The following XKR4 variants were observed in gnomAD, a reference collection of about 807,000 sequenced individuals.
XKR4 encodes the protein XK related 4.
Under a neutral mutation model 53.9 loss-of-function variants are expected in XKR4, and 12 were observed. That is an observed-to-expected ratio of 0.22 (90% confidence interval 0.14 to 0.36). The LOEUF is 0.36. Ranked by LOEUF, XKR4 falls within the 10% of genes least tolerant of loss-of-function variation. XKR4 has a pLI of 1.00. For missense variants in XKR4, 799 were observed against 859.5 expected (o/e 0.93, Z 0.88); for synonymous variants, 354 against 362.4 (o/e 0.98, Z 0.26).
intron 1 of XKR4, among the ~76,000 whole-genome samples, chr8:55,129,984 A>G (rs370055052): frequency 2.6e-5 from 4 of 152,108 alleles, no homozygotes; most frequent in South Asian, 4.1e-4. Context: ...TTGAATTAGG[A>G]GGCAAGGCTA....
chr8:55,118,851 T>C (rs1045769327), intron 1 of XKR4, among the ~76,000 whole-genome samples: 2 of 152,206 alleles, frequency 1.3e-5, no homozygotes, highest in Non-Finnish European at 2.9e-5. Flanking sequence ...AGGTGATTTC[T>C]AAATATGTTT....
intron 2 of XKR4, among the ~76,000 whole-genome samples, chr8:55,442,577 C>T (rs776247356): frequency 6.6e-6 from 1 of 152,170 alleles, no homozygotes; most frequent in Non-Finnish European, 1.5e-5. Context: ...AAAAACCAAG[C>T]ATCTGTGGAT....
chr8:55,134,950 GA>G (rs1287230693), intron 1 of XKR4, among the ~76,000 whole-genome samples: 5 of 40,784 alleles, frequency 1.2e-4, no homozygotes, highest in Non-Finnish European at 2.1e-4. Context: ...GGAGAAGCTG[GA>G]TTTTTTTTTT....
chr8:55,208,863 G>A (rs1585940238), intron 1 of XKR4, among the ~76,000 whole-genome samples: 1 of 152,186 alleles, frequency 6.6e-6, no homozygotes, highest in African/African-American at 2.4e-5. Context: ...GCATGTGAAT[G>A]GACAAGCTGC....
At chr8:55,499,694 C>T (rs1344299744) in intron 2 of XKR4, among the ~76,000 whole-genome samples, 1 of 152,188 alleles carries the variant, frequency 6.6e-6, no homozygotes, top group East Asian at 1.9e-4. Context: ...ACTACAGCAG[C>T]TTGGCAGAGA....
Position 55,150,756 on chromosome 8 carries a change from C to T in XKR4, c.806+47462C>T, listed in dbSNP as rs112840154. ...TCACAGCCATTTATGTGTTTTTATA[C>T]CCCAGTAAAGTTCAAGCTCCATGGG... On this transcript the variant is annotated intron_variant, in intron 1 of 2. Transcript: ENST00000327381. Among the ~76,000 whole-genome samples, 580 of 152,176 alleles carry T rather than the reference C, an allele frequency of 3.8e-3. 3 individuals are homozygous for T. Among genetic ancestry groups the T allele is most frequent in the African/African-American group, 0.013 (543 of 41,510 alleles).
chr8:55,219,644 C>T (rs767749940), intron 1 of XKR4, among the ~76,000 whole-genome samples: 6 of 152,200 alleles, frequency 3.9e-5, no homozygotes, highest in African/African-American at 7.2e-5. Flanking sequence ...CCAACAACCT[C>T]TCCCCATCCC....
intron 2 of XKR4, among the ~76,000 whole-genome samples, chr8:55,507,925 C>T (rs984403676): frequency 1.6e-4 from 25 of 152,170 alleles, no homozygotes; most frequent in African/African-American, 5.8e-4. Flanking sequence ...AATTGCCATA[C>T]TGACTTCCAC....
intron 1 of XKR4, among the ~76,000 whole-genome samples, chr8:55,356,851 C>T (rs952354084): frequency 6.6e-6 from 1 of 152,172 alleles, no homozygotes; most frequent in African/African-American, 2.4e-5. Flanking sequence ...AAACCAACCC[C>T]TCCTCTTCCT....
intron 2 of XKR4, among the ~76,000 whole-genome samples, chr8:55,365,502 C>T (rs555619708): frequency 1.0e-3 from 156 of 152,134 alleles, no homozygotes; most frequent in African/African-American, 3.6e-3. Flanking sequence ...GTTGGGAGTT[C>T]GAGAACACCC....
intron 1 of XKR4, among the ~76,000 whole-genome samples, chr8:55,287,436 A>G (rs1818923330): frequency 6.6e-6 from 1 of 152,354 alleles, no homozygotes; most frequent in East Asian, 1.9e-4. Context: ...TATGCTGGTG[A>G]GCGTACCCAT....
chr8:55,498,440 A>G (rs1806389358), intron 2 of XKR4, among the ~76,000 whole-genome samples: 1 of 152,130 alleles, frequency 6.6e-6, no homozygotes, highest in Non-Finnish European at 1.5e-5. Flanking sequence ...AGCGCATCCT[A>G]GCAGGAAGGT....
chr8:55,265,585 G>A (rs371246916), intron 1 of XKR4, among the ~76,000 whole-genome samples: 23 of 152,296 alleles, frequency 1.5e-4, no homozygotes, highest in African/African-American at 5.3e-4. Flanking sequence ...TGGGCATAGT[G>A]GCTCATTCCT....
At chr8:55,303,659 T>A (rs1347951151) in intron 1 of XKR4, among the ~76,000 whole-genome samples, 3 of 152,228 alleles carry the variant, frequency 2.0e-5, no homozygotes, top group Non-Finnish European at 2.9e-5. Context: ...CTATTGATTA[T>A]TGCCACAATT....
rs1240721967 is a variant in XKR4, at chr8:55,528,045, G to T, written c.*3818G>T. On this transcript the variant is annotated 3_prime_UTR_variant, in exon 3 of 3. Coordinates refer to ENST00000327381, the MANE Select transcript of XKR4 (RefSeq NM_052898.2). The stretch of plus-strand genomic sequence containing the variant: ...ACTTTCCAACTAAAGTAACAGAGAT[G>T]AAAAGGATAAAGTATATACTGCTTT... 6.6e-6 allele frequency: 1 copy of T among 152,140 alleles called. No homozygotes were observed. The highest frequency in any genetic ancestry group is 1.5e-5 in the Non-Finnish European group (1 of 68,038). The allele number at this position is 152,140 out of a possible 1,614,324, so 9.4% of individuals were successfully genotyped here. A position where few individuals can be genotyped will look rare whatever the true frequency, so the allele number is the denominator to read the frequency against.
chr8:55,158,066 G>C (rs1563470839), intron 1 of XKR4, among the ~76,000 whole-genome samples: 1 of 152,192 alleles, frequency 6.6e-6, no homozygotes, highest in Non-Finnish European at 1.5e-5. Context: ...TGGTAATTCT[G>C]TTTTAAGTTC....
intron 2 of XKR4, among the ~76,000 whole-genome samples, chr8:55,471,141 G>T (rs1405739743): frequency 2.0e-5 from 3 of 152,122 alleles, no homozygotes; most frequent in African/African-American, 7.2e-5. Flanking sequence ...CACATTTAAA[G>T]TGTTCAGTAC....
chr8:55,135,432 T>C, intron 1 of XKR4: 1 of 340,476 alleles, frequency 2.9e-6, no homozygotes, highest in Admixed American at 3.5e-5. Flanking sequence ...GTTGTATGAA[T>C]AGGGACAGAA....
At chr8:55,142,428 C>T (rs1191672323) in intron 1 of XKR4, 1 of 219,614 alleles carries the variant, frequency 4.6e-6, no homozygotes, top group Non-Finnish European at 9.4e-6. Context: ...TTGATCCTCC[C>T]AGGTCCTCCT....
Sources: allele counts gnomAD v4.1 joint callset (sites outside exome capture counted in the v4.1 genomes callset), GRCh38; gene constraint gnomAD v4.1.1; transcripts MANE v1.5; gene names NCBI Gene and HGNC (gene_info 2026-07-23, HGNC 2026-07-21).